Variants in PCNX2 observed in about 807,000 individuals in gnomAD.
The protein encoded by PCNX2 is pecanex-like protein 2.
PCNX2 carries 168 observed loss-of-function variants against 223.8 expected under a neutral mutation model. The observed-to-expected ratio is 0.75, with a 90% CI of 0.66 to 0.85. PCNX2 has a LOEUF of 0.85. Among genes scored for constraint, PCNX2 ranks in the 40% least tolerant of loss-of-function variants. The probability of loss-of-function intolerance (pLI) is 0.00; values close to 1 mark genes in which losing one functional copy is unlikely to be tolerated. For synonymous variants in PCNX2, 1,006 were observed against 1,052.6 expected (o/e 0.96, Z 0.86); for missense variants, 2,507 against 2,675.5 (o/e 0.94, Z 1.39).
chr1:233,282,748 C>T (rs1661253914), intron 1 of PCNX2, among the ~76,000 whole-genome samples: 1 of 152,162 alleles, frequency 6.6e-6, no homozygotes, highest in Admixed American at 6.5e-5. Context: ...ACTTTCCATC[C>T]AGCACTCAGA....
At chr1:233,039,124 T>A (rs930481957) in intron 25 of PCNX2, among the ~76,000 whole-genome samples, 5 of 152,244 alleles carry the variant, frequency 3.3e-5, no homozygotes, top group African/African-American at 1.2e-4. Context: ...GCTACCATAA[T>A]AGCCTTTAAG....
At chr1:233,074,841 T>C (rs1279777020) in intron 23 of PCNX2, among the ~76,000 whole-genome samples, 1 of 151,978 alleles carries the variant, frequency 6.6e-6, no homozygotes, top group Non-Finnish European at 1.5e-5. Context: ...TCATTTGCCA[T>C]TAAGGAAATG....
At chr1:233,158,525 T>A (rs1341638298) in intron 19 of PCNX2, among the ~76,000 whole-genome samples, 2 of 152,128 alleles carry the variant, frequency 1.3e-5, no homozygotes, top group East Asian at 1.9e-4. Context: ...TAGGTAAAGA[T>A]AAAGTTATAT....
intron 9 of PCNX2, among the ~76,000 whole-genome samples, chr1:233,232,093 A>AT (rs1464489780): frequency 1.2e-4 from 18 of 152,228 alleles, no homozygotes; most frequent in South Asian, 2.1e-4. Flanking sequence ...GGGATAAAAC[A>AT]TATTTTTTTA....
chr1:233,168,188 TAA>T (rs1678914357), intron 17 of PCNX2, among the ~76,000 whole-genome samples: 1 of 152,112 alleles, frequency 6.6e-6, no homozygotes, highest in Non-Finnish European at 1.5e-5. Flanking sequence ...TATTATTCAT[TAA>T]GTTTCCCATT....
intron 25 of PCNX2, among the ~76,000 whole-genome samples, chr1:233,041,538 C>A (rs1464795280): frequency 6.6e-6 from 1 of 152,170 alleles, no homozygotes; most frequent in Non-Finnish European, 1.5e-5. Context: ...CTACAGGACC[C>A]ACTTCTTGGT....
intron 21 of PCNX2, among the ~76,000 whole-genome samples, chr1:233,113,461 G>A (rs1040107300): frequency 1.3e-5 from 2 of 151,948 alleles, no homozygotes; most frequent in African/African-American, 4.8e-5. Context: ...ATAATAAAAC[G>A]CCACCCAACC....
chr1:233,102,619 G>A (rs1674549916), intron 21 of PCNX2, among the ~76,000 whole-genome samples: 2 of 152,108 alleles, frequency 1.3e-5, no homozygotes, highest in Admixed American at 1.3e-4. Flanking sequence ...GATTAGTGAT[G>A]TAGAGCACTT....
intron 9 of PCNX2, among the ~76,000 whole-genome samples, chr1:233,234,124 T>C (rs551988377): frequency 2.6e-5 from 4 of 152,296 alleles, no homozygotes; most frequent in South Asian, 2.1e-4. Context: ...GACTGAGTCT[T>C]TTCACCATTG....
At chr1:233,283,776 A>G (rs1661308320) in intron 1 of PCNX2, among the ~76,000 whole-genome samples, 1 of 152,220 alleles carries the variant, frequency 6.6e-6, no homozygotes, top group African/African-American at 2.4e-5. Flanking sequence ...TGCAACCACC[A>G]TTGTAATGAT....
chr1:233,287,240 G>C (rs927712053), intron 1 of PCNX2, among the ~76,000 whole-genome samples: 1 of 152,200 alleles, frequency 6.6e-6, no homozygotes, highest in Non-Finnish European at 1.5e-5. Flanking sequence ...CTAGAAATAA[G>C]TGTGAGAGGG....
chr1:233,090,272 C>T (rs1464461253), intron 22 of PCNX2, 82 bp from the exon 23 acceptor site: 1 of 1,465,616 alleles, frequency 6.8e-7, no homozygotes, highest in Non-Finnish European at 9.2e-7. Context: ...GATGAGTTTT[C>T]ACTAAAGTCA....
At chr1:233,270,662 T>C (rs556136943) in intron 1 of PCNX2, among the ~76,000 whole-genome samples, 1 of 152,342 alleles carries the variant, frequency 6.6e-6, no homozygotes, top group Admixed American at 6.5e-5. Flanking sequence ...TAGAACACTT[T>C]GTCTTAGGCC....
chr1:233,220,283 C>T (rs905552537), intron 10 of PCNX2, among the ~76,000 whole-genome samples: 4 of 152,206 alleles, frequency 2.6e-5, no homozygotes, highest in Admixed American at 2.0e-4. Flanking sequence ...GTTTTCAACT[C>T]ATTTGGGTAA....
At chr1:233,039,564 A>G (rs1434714144) in intron 25 of PCNX2, among the ~76,000 whole-genome samples, 2 of 152,210 alleles carry the variant, frequency 1.3e-5, no homozygotes, top group Non-Finnish European at 2.9e-5. Flanking sequence ...TGGGCATCCT[A>G]CCATGAGCCA....
chr1:232,992,915 T>C (rs894076395), intron 32 of PCNX2, among the ~76,000 whole-genome samples: 2 of 152,228 alleles, frequency 1.3e-5, no homozygotes, highest in Non-Finnish European at 2.9e-5. Flanking sequence ...CCTTCTGCCA[T>C]GATTGTAAGT....
intron 21 of PCNX2, among the ~76,000 whole-genome samples, chr1:233,116,203 A>C (rs1211792014): frequency 6.6e-6 from 1 of 152,198 alleles, no homozygotes; most frequent in Non-Finnish European, 1.5e-5. Context: ...CACCACTCTC[A>C]ACAATTGACA....
intron 32 of PCNX2, among the ~76,000 whole-genome samples, chr1:232,995,945 C>A (rs1384904723): frequency 1.3e-5 from 2 of 152,150 alleles, no homozygotes; most frequent in Non-Finnish European, 1.5e-5. Flanking sequence ...GCTACCTCCG[C>A]CTCCTGGGTT....
rs1670040150 is a variant in PCNX2, at chr1:233,000,381, T to C, written c.5252A>G (p.His1751Arg). 4 of 1,613,082 alleles carry C rather than the reference T, an allele frequency of 2.5e-6. No individual in the cohort carries two copies. The East Asian group carries it at 8.9e-5, about 36-fold the overall frequency. The stretch of plus-strand genomic sequence containing the variant: ...CTCGTCGGCACCCTCGTCCACCACG[T>C]GCCGCAGGGTGAGCAGCTCTTCCTT... ...SNKEELLTLR[H>R]VVDEGADEYK... Residue 1751 changes from histidine (H) to arginine (R), a missense_variant, in exon 30 of 34, where the codon CAC becomes CGC. Physicochemically the swap from His to Arg is conservative, Grantham distance 29. Transcript: ENST00000258229. The surrounding 1 kb of genome is among the most constrained non-coding windows in gnomAD (Gnocchi z 4.6).
Sources: gnomAD v4.1 joint callset for allele counts (sites outside exome capture counted in the v4.1 genomes callset) on GRCh38, gnomAD v4.1.1 for gene constraint, Gnocchi (gnomAD v3.1) non-coding constraint, MANE v1.5 for transcripts, NCBI Gene and HGNC (gene_info 2026-07-23, HGNC 2026-07-21) for gene names.